Variants in AR observed in about 807,000 individuals in gnomAD.
The protein encoded by AR is androgen receptor.
AR carries 8 observed loss-of-function variants against 53.9 expected under a neutral mutation model. The observed-to-expected ratio is 0.15, with a 90% confidence interval of 0.09 to 0.27. The LOEUF (loss-of-function observed/expected upper bound fraction) is 0.27, where lower values mean the gene tolerates loss of function less well. AR is among the 10% of genes least tolerant of loss of function. AR has a pLI of 1.00. For missense variants in AR, 639 were observed against 742.5 expected (o/e 0.86, Z 1.62); for synonymous variants, 359 against 316.4 (o/e 1.13, Z -1.43).
chrX:67,634,860 T>TC (rs1247190359), intron 1 of AR, among the ~76,000 whole-genome samples: 3 of 111,838 alleles, frequency 2.7e-5, no homozygotes, highest in Middle Eastern at 4.6e-3. Flanking sequence ...ATTAATAAAA[T>TC]ATATTTTGTT....
intron 2 of AR, among the ~76,000 whole-genome samples, chrX:67,653,766 C>T (rs1390054513): frequency 9.0e-6 from 1 of 110,617 alleles, no homozygotes; most frequent in African/African-American, 3.3e-5. Context: ...GCAAAAGCAC[C>T]AGATTGGGGC....
At position 67,546,511 on chromosome X, in the gene AR, T is replaced by TGGCGGC. The variant is rs1439845517; in HGVS notation, c.1367_1368insCGGCGG (p.Gly472_Gly473dup). ...ATGGACCGTGTGGTGGTGGTGGGGG[T>TGGCGGC]GGTGGCGGCGGCGGCGGCGGCGGCG... On this transcript the variant is annotated inframe_insertion, in exon 1 of 8. Transcript: ENST00000374690. 2.0e-6 allele frequency: 1 copy of TGGCGGC among 510,792 alleles called. No individual in the cohort carries two copies. Among genetic ancestry groups the TGGCGGC allele is most frequent in the African/African-American group, 4.0e-5 (1 of 25,233 alleles). The allele number at this position is 510,792 out of a possible 1,213,427, so 42.1% of individuals were successfully genotyped here.
intron 1 of AR, among the ~76,000 whole-genome samples, chrX:67,577,723 A>G (rs929449853): frequency 1.8e-5 from 2 of 111,252 alleles, no homozygotes; most frequent in African/African-American, 6.5e-5. Flanking sequence ...TTTGATTTGC[A>G]TTTCCTTGAA....
At chrX:67,569,015 C>A (rs1921682435) in intron 1 of AR, 1 of 1,208,390 alleles carries the variant, frequency 8.3e-7, no homozygotes, top group African/African-American at 1.8e-5. Flanking sequence ...GATACTCTGG[C>A]TTCACAGGTG....
At position 67,546,370 on chromosome X, in the gene AR, T is replaced by C; in HGVS notation, c.1224T>C (p.Tyr408=). 8.5e-7 allele frequency: 1 copy of C among 1,183,190 alleles called. No individual in the cohort carries two copies. Among genetic ancestry groups the C allele is most frequent in the Non-Finnish European group, 1.1e-6 (1 of 882,105 alleles). ...AWAAAAAQCR[Y]GDLASLHGAG... ...CGGCTGCGGCGGCGCAGTGCCGCTA[T>C]GGGGACCTGGCGAGCCTGCATGGCG... Residue 408 remains tyrosine, a synonymous_variant, in exon 1 of 8, where the codon TAT becomes TAC. Transcript: ENST00000374690.
At chrX:67,617,813 A>G (rs1347268292) in intron 1 of AR, among the ~76,000 whole-genome samples, 3 of 111,731 alleles carry the variant, frequency 2.7e-5, no homozygotes, top group African/African-American at 9.8e-5. Flanking sequence ...ACTCCAGTAT[A>G]CTAAGGCAGA....
chrX:67,638,532 G>A (rs1306738638), intron 1 of AR, among the ~76,000 whole-genome samples: 7 of 111,652 alleles, frequency 6.3e-5, no homozygotes, highest in African/African-American at 2.0e-4. Flanking sequence ...GGCGTGAGAT[G>A]GTATTTCATT....
intron 1 of AR, among the ~76,000 whole-genome samples, chrX:67,592,203 A>G (rs1476110407): frequency 3.6e-5 from 4 of 111,925 alleles, no homozygotes; most frequent in Non-Finnish European, 7.5e-5. Context: ...GTGAGGATCT[A>G]TGTCTACCAA....
intron 1 of AR, among the ~76,000 whole-genome samples, chrX:67,586,382 C>CT (rs1402081773): frequency 2.7e-5 from 3 of 111,717 alleles, no homozygotes; most frequent in African/African-American, 9.8e-5. Flanking sequence ...TGCTCCTTTC[C>CT]TTTTTTCACC....
chrX:67,595,570 GA>G (rs763865342), intron 1 of AR, among the ~76,000 whole-genome samples: 4 of 107,369 alleles, frequency 3.7e-5, no homozygotes, highest in Non-Finnish European at 7.7e-5. Flanking sequence ...TCATTAGAAA[GA>G]TTTTTTTTTA....
intron 2 of AR, among the ~76,000 whole-genome samples, chrX:67,663,208 T>C (rs1017393616): frequency 8.9e-6 from 1 of 111,995 alleles, no homozygotes; most frequent in Non-Finnish European, 1.9e-5. Flanking sequence ...TGATGCAGTT[T>C]CTTCCTAGCC....
chrX:67,654,239 C>A (rs1926483806), intron 2 of AR, among the ~76,000 whole-genome samples: 1 of 111,257 alleles, frequency 9.0e-6, no homozygotes, highest in East Asian at 2.8e-4. Flanking sequence ...GTTTTGTATC[C>A]TTTTCCTAGA....
At chrX:67,709,829 G>A (rs2076086097) in intron 3 of AR, among the ~76,000 whole-genome samples, 1 of 111,934 alleles carries the variant, frequency 8.9e-6, no homozygotes, top group Non-Finnish European at 1.9e-5. Flanking sequence ...ATGGGAAATG[G>A]AATACCATAA....
intron 1 of AR, among the ~76,000 whole-genome samples, chrX:67,637,770 G>C (rs1001428251): frequency 9.0e-6 from 1 of 111,160 alleles, no homozygotes; most frequent in Non-Finnish European, 1.9e-5. Context: ...GTTTCTTAAA[G>C]GTCCTTTACA....
chrX:67,672,395 T>C (rs980867504), intron 2 of AR, among the ~76,000 whole-genome samples: 1 of 111,316 alleles, frequency 9.0e-6, no homozygotes, highest in Non-Finnish European at 1.9e-5. Context: ...TGTTTTCTGG[T>C]TATTCTGTGG....
chrX:67,546,200 G>T lies in AR; in HGVS notation c.1054G>T (p.Ala352Ser), dbSNP rs1362091565. The change falls in exon 1 of 8, where the codon GCA becomes TCA. Residue 352 changes from alanine to serine, a missense_variant. Physicochemically the swap from Ala to Ser is moderately conservative, Grantham distance 99. Around this residue, in one of 5 missense-constraint regions of AR, gnomAD observed 423 missense variants for 377.0 expected, o/e 1.12. Transcript: ENST00000374690. ...PSTLSLYKSG[A>S]LDEAAAYQSR... Reference sequence around the variant, plus strand: ...TACCCTGTCTCTCTACAAGTCCGGAGCACTGGACGAGGCAGCTGCGTACCA... The same window carrying T: ...TACCCTGTCTCTCTACAAGTCCGGATCACTGGACGAGGCAGCTGCGTACCA... The T allele has an allele frequency of 8.3e-7, 1 of 1,211,908 alleles. No individual in the cohort carries two copies. The highest frequency in any genetic ancestry group is 1.1e-6 in the Non-Finnish European group (1 of 895,487).
At position 67,695,997 on chromosome X, in the gene AR, T is replaced by C. The variant is rs768220639; in HGVS notation, c.1885+9871T>C. The C allele has an allele frequency of 4.0e-6, 3 of 751,682 alleles. No individual in the cohort carries two copies. The African/African-American group carries it at 7.0e-5, about 17-fold the overall frequency. 61.9% of individuals were successfully genotyped at this position (751,682 alleles called of 1,213,427 possible). Reference sequence around the variant, plus strand: ...GGATTGAAAGGCTAATGAGGTTTATTTTTAACTACTTTCTATTTGTTTGAA... The same window carrying C: ...GGATTGAAAGGCTAATGAGGTTTATCTTTAACTACTTTCTATTTGTTTGAA... On this transcript the variant is annotated intron_variant, in intron 3 of 7. Coordinates refer to ENST00000374690, the MANE Select transcript of AR (RefSeq NM_000044.6).
chrX:67,643,463 G>C (rs1482093127), intron 2 of AR, 56 bp downstream of exon 2: 3 of 1,153,465 alleles, frequency 2.6e-6, no homozygotes, highest in African/African-American at 3.6e-5. Flanking sequence ...CTTCCAGAGA[G>C]AGACACTAAC....
At chrX:67,609,100 G>A (rs1026720838) in intron 1 of AR, among the ~76,000 whole-genome samples, 11 of 110,957 alleles carry the variant, frequency 9.9e-5, no homozygotes, top group African/African-American at 3.3e-4. Flanking sequence ...GGAAAGCATT[G>A]CCCTGGAGTA....
Sources: gnomAD v4.1 joint callset for allele counts (sites outside exome capture counted in the v4.1 genomes callset) on GRCh38, gnomAD v4.1.1 for gene constraint, gnomAD v4.1.1 regional missense constraint, MANE v1.5 for transcripts, NCBI Gene and HGNC (gene_info 2026-07-23, HGNC 2026-07-21) for gene names.